VCAM1: variants seen among roughly 807,000 people sequenced by gnomAD.
The protein encoded by VCAM1 is vascular cell adhesion molecule 1.
VCAM1 carries 41 observed loss-of-function variants against 63.8 expected under a neutral mutation model. The ratio of observed to expected loss-of-function variants is 0.64; its 90% CI spans 0.50 to 0.83. The LOEUF is 0.83. Ranked by LOEUF, VCAM1 falls within the 40% of genes least tolerant of loss-of-function variation. VCAM1 has a pLI of 0.00. For missense variants in VCAM1, 798 were observed against 875.5 expected (o/e 0.91, Z 1.12); for synonymous variants, 338 against 320.7 (o/e 1.05, Z -0.58).
chr1:100,725,027 A>C, intron 4 of VCAM1, 137 bp downstream of exon 4: 2 of 1,137,384 alleles, frequency 1.8e-6, no homozygotes, highest in South Asian at 3.3e-5. Context: ...TTTAGCACAA[A>C]TATATGTTTA....
rs751022079 is a variant in VCAM1 at position 100,731,493 on chromosome 1, G to A, written c.1500G>A (p.Gln500=). 1 of 1,613,316 alleles carries A rather than the reference G, an allele frequency of 6.2e-7. No homozygotes were observed. Among genetic ancestry groups the A allele is most frequent in the Admixed American group, 1.7e-5 (1 of 59,934 alleles). Residue 500 remains glutamine (Q), a synonymous_variant, in exon 6 of 9, where the codon CAG becomes CAA. Transcript: ENST00000294728. The surrounding 1 kb of genome is among the most constrained non-coding windows in gnomAD (Gnocchi z 4.2). ...TGGAATTCGAACCCAAACAAAGGCA[G>A]AGTACGCAAACACTTTATGTCAATG... ...DDMEFEPKQR[Q]STQTLYVNVA... is the part of the protein sequence containing the mutation.
At chr1:100,730,404 A>G (rs1660400568) in intron 5 of VCAM1, among the ~76,000 whole-genome samples, 1 of 152,154 alleles carries the variant, frequency 6.6e-6, no homozygotes, top group African/African-American at 2.4e-5. Context: ...ATTTTGGTTA[A>G]GGAAAAAAAT....
chr1:100,733,871 A>G (rs1429188247), intron 7 of VCAM1, among the ~76,000 whole-genome samples: 3 of 152,226 alleles, frequency 2.0e-5, no homozygotes, highest in Non-Finnish European at 4.4e-5. Flanking sequence ...TCTGAATTCT[A>G]TAGCTCTTTA....
At chr1:100,721,784 A>G (rs1176318299) in intron 2 of VCAM1, among the ~76,000 whole-genome samples, 1 of 152,046 alleles carries the variant, frequency 6.6e-6, no homozygotes, top group Non-Finnish European at 1.5e-5. Flanking sequence ...AGCTTCCCTT[A>G]TGTAAATACA....
rs1015978623 is a variant in VCAM1, at chr1:100,733,497, C to T, written c.1792+813C>T. Among the ~76,000 whole-genome samples, 11 of 152,212 alleles carry T rather than the reference C, an allele frequency of 7.2e-5. No homozygotes were observed. In the East Asian group the frequency reaches 2.1e-3, roughly 29 times the overall value. On this transcript the variant is annotated intron_variant, in intron 7 of 8. Coordinates refer to ENST00000294728, the MANE Select transcript of VCAM1 (RefSeq NM_001078.4). ...GAATATTGGAAAGACAATACACATC[C>T]TTAAAAAACAGACAAACAAACAAAA...
At chr1:100,727,766 A>G (rs1660225091) in intron 4 of VCAM1, among the ~76,000 whole-genome samples, 1 of 152,098 alleles carries the variant, frequency 6.6e-6, no homozygotes, top group Non-Finnish European at 1.5e-5. Context: ...CTAGCATATA[A>G]AAAATTCAGA....
At position 100,723,973 on chromosome 1, in the gene VCAM1, T is replaced by A. The variant is rs149711853; in HGVS notation, c.661+633T>A. 6.5e-4 allele frequency among the ~76,000 whole-genome samples: 99 copies of A among 152,148 alleles called. 1 individual carries two copies. The highest frequency in any genetic ancestry group is 2.4e-3 in the African/African-American group (98 of 41,526). ...TGGGTACCACATTTAAAGGGAGTAT[T>A]GCCAACTACGGCATGTTTAGCTGAA... On this transcript the variant is annotated intron_variant, in intron 3 of 8. Transcript: ENST00000294728.
rs1313425943 is a variant in VCAM1 at position 100,738,909 on chromosome 1, AGAT to A, written c.*628_*630del. The A allele has an allele frequency of 5.3e-5, 8 of 152,186 alleles. No individual in the cohort carries two copies. Among genetic ancestry groups the A allele is most frequent in the African/African-American group, 1.9e-4 (8 of 41,442 alleles). 9.4% of individuals were successfully genotyped at this position (152,186 alleles called of 1,614,324 possible). A position where few individuals can be genotyped will look rare whatever the true frequency, so the allele number is the denominator to read the frequency against. Reference sequence around the variant, plus strand: ...TCTGTATAGTACTGGCATGGTACGGAGATGTTTCACGAAGTTTGTTCATCAGAC... The same window carrying A: ...TCTGTATAGTACTGGCATGGTACGGAGTTTCACGAAGTTTGTTCATCAGAC... On this transcript the variant is annotated 3_prime_UTR_variant, in exon 9 of 9. Coordinates refer to ENST00000294728, the MANE Select transcript of VCAM1 (RefSeq NM_001078.4).
At chr1:100,723,821 G>A (rs1660058295) in intron 3 of VCAM1, among the ~76,000 whole-genome samples, 1 of 151,974 alleles carries the variant, frequency 6.6e-6, no homozygotes, top group South Asian at 2.1e-4. Flanking sequence ...GGGGAAAAAT[G>A]ACGGGGTTTG....
chr1:100,727,489 C>T (rs1423199018), intron 4 of VCAM1, among the ~76,000 whole-genome samples: 1 of 152,070 alleles, frequency 6.6e-6, no homozygotes, highest in African/African-American at 2.4e-5. Flanking sequence ...AATAATGTCA[C>T]TCCATAATAA....
intron 8 of VCAM1, chr1:100,735,922 A>G (rs1015551993): frequency 1.3e-4 from 20 of 152,222 alleles, no homozygotes; most frequent in African/African-American, 4.3e-4. Flanking sequence ...TCAGGGGTAT[A>G]TGTAATCAGT....
chr1:100,729,066 A>G, intron 4 of VCAM1, 41 bp from the exon 5 acceptor site: 6 of 1,477,286 alleles, frequency 4.1e-6, no homozygotes, highest in Non-Finnish European at 5.4e-6. Context: ...AAAGAAAAGA[A>G]TCTTATGTTC....
chr1:100,729,328 A>G lies in VCAM1; in HGVS notation c.1150A>G (p.Thr384Ala), dbSNP rs3783612. ...SFENEHSYLC[T>A]VTCGHKKLEK... ...TGAGAACGAACACTCTTATCTGTGCACAGTGACTTGTGGACATAAGAAACT... is the reference window on the plus strand; with the variant it reads ...TGAGAACGAACACTCTTATCTGTGCGCAGTGACTTGTGGACATAAGAAACT... Residue 384 changes from threonine (T) to alanine (A), a missense_variant, in exon 5 of 9, where the codon ACA becomes GCA. Thr to Ala is a moderately conservative substitution (Grantham distance 58, BLOSUM62 0). Coordinates refer to ENST00000294728, the MANE Select transcript of VCAM1 (RefSeq NM_001078.4). 1.1e-3 allele frequency: 1,828 copies of G among 1,612,996 alleles called. 20 individuals are homozygous for G. In the African/African-American group the frequency reaches 0.022, roughly 19 times the overall value.
intron 3 of VCAM1, 82 bp from the exon 4 acceptor site, chr1:100,724,542 A>G (rs3176865): frequency 1.3e-6 from 2 of 1,498,140 alleles, no homozygotes; most frequent in Non-Finnish European, 9.0e-7. Context: ...GTGGAAGCAC[A>G]TAAATACTAA....
chr1:100,731,066 C>T lies in VCAM1; in HGVS notation c.1205-132C>T, dbSNP rs1440342933. ...ATGTCATTTATAAATACTGTCATTA[C>T]TTATATATTGACAGTCATTCTATCC... On this transcript the variant is annotated intron_variant, in intron 5 of 8. Coordinates refer to ENST00000294728, the MANE Select transcript of VCAM1 (RefSeq NM_001078.4). The surrounding 1 kb of genome is among the most constrained non-coding windows in gnomAD (Gnocchi z 4.2). 4 of 739,758 alleles carry T rather than the reference C, an allele frequency of 5.4e-6. No individual in the cohort carries two copies. Among genetic ancestry groups the T allele is most frequent in the Non-Finnish European group, 8.5e-6 (4 of 468,532 alleles). 45.8% of individuals were successfully genotyped at this position (739,758 alleles called of 1,614,324 possible). A position where few individuals can be genotyped will look rare whatever the true frequency, so the allele number is the denominator to read the frequency against.
intron 2 of VCAM1, among the ~76,000 whole-genome samples, 168 bp from the exon 3 acceptor site, chr1:100,722,852 T>C (rs1313216611): frequency 1.3e-5 from 2 of 152,126 alleles, no homozygotes; most frequent in Admixed American, 6.6e-5. Context: ...CTTCCAATTC[T>C]TGTGCCTTGA....
At chr1:100,721,987 G>A (rs1162453078) in intron 2 of VCAM1, among the ~76,000 whole-genome samples, 1 of 152,096 alleles carries the variant, frequency 6.6e-6, no homozygotes, top group Non-Finnish European at 1.5e-5. Flanking sequence ...TTAAGAAAGA[G>A]AAATGAAGAC....
Position 100,723,305 on chromosome 1 carries a change from C to T in VCAM1, c.626C>T (p.Thr209Ile). ...LHIDEMDSVP[T>I]VRQAVKELQV... ...ATTGATGAAATGGATTCTGTGCCCA[C>T]AGTAAGGCAGGCTGTAAAAGAATTG... is the stretch of plus-strand genomic sequence containing the variant. The change falls in exon 3 of 9, where the codon ACA (threonine) becomes ATA (isoleucine). Residue 209 changes from threonine to isoleucine, a missense_variant. Transcript: ENST00000294728. The T allele has an allele frequency of 6.2e-7, 1 of 1,612,748 alleles. No individual in the cohort carries two copies. The highest frequency in any genetic ancestry group is 8.5e-7 in the Non-Finnish European group (1 of 1,179,196).
chr1:100,732,704 T>C lies in VCAM1; in HGVS notation c.1792+20T>C. ...TCCAAGGTGAGCAGAGTGTGAGTAA[T>C]GAGTTATCCTTGCTAGTAATGTTTT... On this transcript the variant is annotated intron_variant, in intron 7 of 8. Transcript: ENST00000294728. 1.3e-6 allele frequency: 2 copies of C among 1,535,142 alleles called. No individual in the cohort carries two copies. The highest frequency in any genetic ancestry group is 1.7e-6 in the Non-Finnish European group (2 of 1,144,262).
Sources: allele counts gnomAD v4.1 joint callset (sites outside exome capture counted in the v4.1 genomes callset), GRCh38; gene constraint gnomAD v4.1.1; non-coding constraint Gnocchi (gnomAD v3.1); transcripts MANE v1.5; gene names NCBI Gene and HGNC (gene_info 2026-07-23, HGNC 2026-07-21).